The following EXPH5 variants were observed in gnomAD, a reference collection of about 807,000 sequenced individuals.
EXPH5 encodes the protein exophilin-5.
A neutral mutation model predicts 41.1 loss-of-function variants in EXPH5; 42 were observed. That is an observed-to-expected ratio of 1.02 (90% confidence interval 0.80 to 1.32). The LOEUF (loss-of-function observed/expected upper bound fraction) is 1.32. Among genes scored for constraint, EXPH5 ranks in the 40% most tolerant of loss-of-function variants. EXPH5 has a pLI of 0.00. For missense variants in EXPH5, 2,298 were observed against 2,314.5 expected (o/e 0.99, Z 0.15); for synonymous variants, 798 against 833.5 (o/e 0.96, Z 0.73).
At chr11:108,582,733 T>A (rs2094102226) in intron 1 of EXPH5, among the ~76,000 whole-genome samples, 1 of 152,200 alleles carries the variant, frequency 6.6e-6, no homozygotes. Flanking sequence ...GGCAGGGCCA[T>A]GCTCCCTCTG....
At chr11:108,568,692 G>A (rs1003081898) in intron 1 of EXPH5, among the ~76,000 whole-genome samples, 3 of 152,072 alleles carry the variant, frequency 2.0e-5, no homozygotes, top group Non-Finnish European at 4.4e-5. Flanking sequence ...GGACCCACTC[G>A]TTTCAGCAGT....
chr11:108,592,235 C>T (rs1302765145), intron 1 of EXPH5, among the ~76,000 whole-genome samples: 6 of 152,146 alleles, frequency 3.9e-5, no homozygotes, highest in Non-Finnish European at 5.9e-5. Context: ...TCCCCAACCT[C>T]AAATATTCCT....
intron 4 of EXPH5, among the ~76,000 whole-genome samples, chr11:108,525,728 C>T (rs765035377): frequency 7.2e-5 from 11 of 151,940 alleles, no homozygotes; most frequent in Non-Finnish European, 1.5e-4. Context: ...TGGGGAGAAT[C>T]GCTATGGCAT....
chr11:108,545,245 C>T (rs981390995), intron 1 of EXPH5, among the ~76,000 whole-genome samples: 1 of 152,122 alleles, frequency 6.6e-6, no homozygotes, highest in African/African-American at 2.4e-5. Context: ...GAGACCCTGT[C>T]TCTACAAAAA....
rs115992022 is a variant in EXPH5, at chr11:108,512,637, A to G, written c.2870T>C (p.Val957Ala). The G allele has an allele frequency of 6.2e-7, 1 of 1,614,050 alleles. No individual in the cohort carries two copies. Among genetic ancestry groups the G allele is most frequent in the African/African-American group, 1.3e-5 (1 of 75,046 alleles). Reference protein sequence around the residue: ...DSPVPTHDEVVDVKCHSHSPF... With the variant: ...DSPVPTHDEVADVKCHSHSPF... ...AGAGTGTGAATGGCATTTGACATCAACCACTTCATCATGTGTAGGCACAGG... is the reference window on the plus strand; with the variant it reads ...AGAGTGTGAATGGCATTTGACATCAGCCACTTCATCATGTGTAGGCACAGG... The change falls in exon 6 of 6, where the codon GTT (valine) becomes GCT (alanine). Residue 957 changes from valine (V) to alanine (A), a missense_variant. Coordinates refer to ENST00000265843, the MANE Select transcript of EXPH5 (RefSeq NM_015065.3).
the EXPH5 span, among the ~76,000 whole-genome samples, chr11:108,604,475 C>G: frequency 6.6e-6 from 1 of 152,098 alleles, no homozygotes; most frequent in Non-Finnish European, 1.5e-5. Context: ...TTTCATCCTA[C>G]CCTCATTACC....
intron 1 of EXPH5, among the ~76,000 whole-genome samples, chr11:108,544,208 G>C (rs2093927211): frequency 6.6e-6 from 1 of 152,046 alleles, no homozygotes; most frequent in South Asian, 2.1e-4. Flanking sequence ...TTTATTTCTA[G>C]AGACAACGTC....
At position 108,506,887 on chromosome 11, in the gene EXPH5, A is replaced by G. The variant is rs2093646837; in HGVS notation, c.*2650T>C. 2.0e-5 allele frequency: 3 copies of G among 152,182 alleles called. No homozygotes were observed. In the South Asian group the frequency reaches 6.2e-4, roughly 32 times the overall value. The allele number at this position is 152,182 out of a possible 1,614,324, so 9.4% of individuals were successfully genotyped here. A position where few individuals can be genotyped will look rare whatever the true frequency, so the allele number is the denominator to read the frequency against. ...GCACCTGTAATCCCAGCTACTCGGGAAGCTGAGGCAGGAGAATCGCTTGAA... is the reference window on the plus strand; with the variant it reads ...GCACCTGTAATCCCAGCTACTCGGGGAGCTGAGGCAGGAGAATCGCTTGAA... On this transcript the variant is annotated 3_prime_UTR_variant, in exon 6 of 6. Transcript: ENST00000265843.
chr11:108,537,956 G>A (rs994019855), intron 3 of EXPH5: 2 of 984,736 alleles, frequency 2.0e-6, no homozygotes, highest in African/African-American at 3.5e-5. Context: ...AGAGAAAAAC[G>A]ACTCACCTAT....
the EXPH5 span, among the ~76,000 whole-genome samples, chr11:108,603,086 G>C: frequency 0.074 from 11,328 of 152,222 alleles, 610 homozygotes; most frequent in East Asian, 0.28. Flanking sequence ...ATGTGAAAAA[G>C]ACCTCTCTTT....
At chr11:108,540,716 C>G (rs1305843172) in intron 2 of EXPH5, among the ~76,000 whole-genome samples, 1 of 152,074 alleles carries the variant, frequency 6.6e-6, no homozygotes, top group Non-Finnish European at 1.5e-5. Context: ...ATATAGAAGG[C>G]ATTTATTAGA....
the EXPH5 span, among the ~76,000 whole-genome samples, chr11:108,601,482 A>T: frequency 6.6e-6 from 1 of 152,220 alleles, no homozygotes; most frequent in South Asian, 2.1e-4. Context: ...TGTAAACAAC[A>T]ATTTATATAA....
At chr11:108,550,388 A>G (rs78930717) in intron 1 of EXPH5, among the ~76,000 whole-genome samples, 2,099 of 152,300 alleles carry the variant, frequency 0.014, 50 homozygotes, top group African/African-American at 0.047. Flanking sequence ...GTGGTGCCCA[A>G]TGAGTGATCC....
chr11:108,510,653 A>G lies in EXPH5; in HGVS notation c.4854T>C (p.Thr1618=). The change falls in exon 6 of 6, where the codon ACT becomes ACC. Residue 1618 remains threonine, a synonymous_variant. Transcript: ENST00000265843. ...ATCTGCTTCCACTTTGGGGGAAGATAGTAGCTACATGTCTTCTGGGGCTTA... is the reference window on the plus strand; with the variant it reads ...ATCTGCTTCCACTTTGGGGGAAGATGGTAGCTACATGTCTTCTGGGGCTTA... The part of the protein sequence containing the change: ...KDVSPRRHVA[T]IFPQSGSRSG... 6.2e-7 allele frequency: 1 copy of G among 1,614,198 alleles called. No homozygotes were observed. Among genetic ancestry groups the G allele is most frequent in the Non-Finnish European group, 8.5e-7 (1 of 1,180,028 alleles).
At chr11:108,598,025 A>G (rs531747946), upstream of EXPH5, among the ~76,000 whole-genome samples, 5 of 152,310 alleles carry the variant, frequency 3.3e-5, no homozygotes, top group African/African-American at 1.2e-4. Context: ...ATAAATAAAC[A>G]AATCAACATC....
In EXPH5 at chr11:108,509,730, A is replaced by C. The variant is rs775615051; in HGVS notation, c.5777T>G (p.Leu1926Trp). Residue 1926 changes from leucine (L) to tryptophan (W), a missense_variant, in exon 6 of 6, where the codon TTG (leucine) becomes TGG (tryptophan). Physicochemically the swap from Leu to Trp is moderately conservative, Grantham distance 61. Transcript: ENST00000265843. Reference sequence around the variant, plus strand: ...CTCTGAGGGGTTGGGAGGGTTCCTCAAATCATCTTTTAGGAAGCCAGGGTT... The same window carrying C: ...CTCTGAGGGGTTGGGAGGGTTCCTCCAATCATCTTTTAGGAAGCCAGGGTT... Reference protein sequence around the residue: ...LKNPGFLKDDLRNPPNPSESL... With the variant: ...LKNPGFLKDDWRNPPNPSESL... 3.1e-6 allele frequency: 5 copies of C among 1,608,200 alleles called. No individual in the cohort carries two copies. The South Asian group carries it at 3.3e-5, about 11-fold the overall frequency.
At chr11:108,546,130 A>C (rs1801886297) in intron 1 of EXPH5, among the ~76,000 whole-genome samples, 1 of 151,964 alleles carries the variant, frequency 6.6e-6, no homozygotes, top group Admixed American at 6.6e-5. Context: ...AGGAACAGAA[A>C]TAAGGCCTGT....
intron 2 of EXPH5, among the ~76,000 whole-genome samples, chr11:108,539,842 G>A (rs1218891845): frequency 6.6e-6 from 1 of 152,000 alleles, no homozygotes; most frequent in Non-Finnish European, 1.5e-5. Flanking sequence ...TTTGGATTTG[G>A]GATGCTCAAC....
In EXPH5 at chr11:108,512,814, G is replaced by A. The variant is rs144844972; in HGVS notation, c.2693C>T (p.Pro898Leu). The A allele has an allele frequency of 5.6e-6, 9 of 1,614,152 alleles. No individual in the cohort carries two copies. In the East Asian group the frequency reaches 1.6e-4, roughly 28 times the overall value. ...SPSKNSSLDAPVVPSTTVFSR... is the reference protein window; with the variant it reads ...SPSKNSSLDALVVPSTTVFSR... ...GAACACTGTAGTAGATGGAACCACA[G>A]GAGCATCAAGGGAAGAATTCTTTGA... Residue 898 changes from proline (P) to leucine (L), a missense_variant, in exon 6 of 6, where the codon CCT (proline) becomes CTT (leucine). Coordinates refer to ENST00000265843, the MANE Select transcript of EXPH5 (RefSeq NM_015065.3).
Sources: allele counts gnomAD v4.1 joint callset (sites outside exome capture counted in the v4.1 genomes callset), GRCh38; gene constraint gnomAD v4.1.1; transcripts MANE v1.5; gene names NCBI Gene and HGNC (gene_info 2026-07-23, HGNC 2026-07-21).